The following RPS6KC1 variants were observed in gnomAD, a reference collection of about 807,000 sequenced individuals.
RPS6KC1 encodes inactive ribosomal protein S6 kinase delta-1.
In RPS6KC1, 54 loss-of-function variants were observed where a neutral mutation model predicts 103.8. That is an observed-to-expected ratio of 0.52 (90% CI 0.42 to 0.65). The LOEUF is 0.65. RPS6KC1 is among the 30% of genes least tolerant of loss of function. The pLI is 0.00. For missense variants in RPS6KC1, 1,151 were observed against 1,253.8 expected, an observed-to-expected ratio of 0.92 and a Z score of 1.24; for synonymous variants, 439 against 438.7, an observed-to-expected ratio of 1.00 and a Z score of -0.01.
the RPS6KC1 span, among the ~76,000 whole-genome samples, chr1:213,740,669 A>G: frequency 8.0e-4 from 121 of 151,070 alleles, 3 homozygotes; most frequent in African/African-American, 2.8e-3. Flanking sequence ...ATATATACAC[A>G]TATATATCTC....
At chr1:213,481,623 T>C in the RPS6KC1 span, among the ~76,000 whole-genome samples, 1 of 152,230 alleles carries the variant, frequency 6.6e-6, no homozygotes, top group East Asian at 1.9e-4. Context: ...TTGTCTAGTA[T>C]ATCTTTATCT....
chr1:213,758,376 G>A, the RPS6KC1 span, among the ~76,000 whole-genome samples: 8 of 152,008 alleles, frequency 5.3e-5, no homozygotes, highest in African/African-American at 1.7e-4. Flanking sequence ...TCAGGAGTTC[G>A]AGACCAGCCT....
the RPS6KC1 span, among the ~76,000 whole-genome samples, chr1:213,355,311 G>A: frequency 1.3e-5 from 2 of 152,234 alleles, no homozygotes; most frequent in African/African-American, 4.8e-5. Flanking sequence ...AGGCTGGCGG[G>A]ATGTACAAGG....
At chr1:213,192,640 C>CT (rs2092790716) in intron 8 of RPS6KC1, among the ~76,000 whole-genome samples, 1 of 151,974 alleles carries the variant, frequency 6.6e-6, no homozygotes, top group Non-Finnish European at 1.5e-5. Context: ...ATCTTGTTTA[C>CT]CTTTTCAGAA....
intron 6 of RPS6KC1, among the ~76,000 whole-genome samples, chr1:213,166,618 T>A (rs1000737954): frequency 1.3e-5 from 2 of 152,152 alleles, no homozygotes; most frequent in Non-Finnish European, 2.9e-5. Flanking sequence ...AATAGAAATT[T>A]TCCCCCCACC....
intron 7 of RPS6KC1, among the ~76,000 whole-genome samples, chr1:213,174,243 AACACTCCAGCAT>A (rs2091693566): frequency 6.6e-6 from 1 of 152,224 alleles, no homozygotes; most frequent in African/African-American, 2.4e-5. Flanking sequence ...ACCACAGACA[AACACTCCAGCAT>A]TCTGAGAATC....
the RPS6KC1 span, among the ~76,000 whole-genome samples, chr1:213,494,997 G>C: frequency 6.6e-6 from 1 of 152,288 alleles, no homozygotes; most frequent in East Asian, 1.9e-4. Flanking sequence ...ATTTCAGAAA[G>C]TAATGGAAAA....
At chr1:213,580,919 T>C in the RPS6KC1 span, among the ~76,000 whole-genome samples, 463 of 152,218 alleles carry the variant, frequency 3.0e-3, 3 homozygotes, top group African/African-American at 0.011. Flanking sequence ...ATTTTCTTTG[T>C]TGCAATTTGC....
chr1:213,762,863 C>CT, the RPS6KC1 span, among the ~76,000 whole-genome samples: 6 of 146,310 alleles, frequency 4.1e-5, no homozygotes, highest in African/African-American at 1.5e-4. Context: ...AATTTTTTTA[C>CT]GTTTTTTTTT....
the RPS6KC1 span, among the ~76,000 whole-genome samples, chr1:213,552,967 G>A: frequency 6.6e-6 from 1 of 151,858 alleles, no homozygotes. Flanking sequence ...ATGGTTTAAA[G>A]TGTAATAGCA....
At chr1:213,416,008 A>G in the RPS6KC1 span, among the ~76,000 whole-genome samples, 2 of 152,200 alleles carry the variant, frequency 1.3e-5, no homozygotes, top group Admixed American at 1.3e-4. Flanking sequence ...GAAGTCAGCA[A>G]AATCTTGTAC....
intron 5 of RPS6KC1, among the ~76,000 whole-genome samples, chr1:213,124,424 C>A (rs1262328310): frequency 6.6e-6 from 1 of 152,126 alleles, no homozygotes; most frequent in East Asian, 1.9e-4. Flanking sequence ...AGACTGAGAA[C>A]CTGTCACTTG....
chr1:213,833,363 A>T, the RPS6KC1 span, among the ~76,000 whole-genome samples: 2 of 152,152 alleles, frequency 1.3e-5, no homozygotes, highest in Admixed American at 1.3e-4. Context: ...CCAGTATTAT[A>T]CCCTCATTCT....
At chr1:213,671,022 T>C in the RPS6KC1 span, among the ~76,000 whole-genome samples, 1 of 152,178 alleles carries the variant, frequency 6.6e-6, no homozygotes, top group East Asian at 1.9e-4. Context: ...GAAGGAGCCA[T>C]TCATGTGGCT....
the RPS6KC1 span, among the ~76,000 whole-genome samples, chr1:213,438,941 G>A: frequency 6.6e-6 from 1 of 151,660 alleles, no homozygotes; most frequent in Non-Finnish European, 1.5e-5. Context: ...CTACAGGCAC[G>A]TGCCACCACA....
At chr1:213,162,898 C>A (rs1055580594) in intron 6 of RPS6KC1, among the ~76,000 whole-genome samples, 1 of 152,168 alleles carries the variant, frequency 6.6e-6, no homozygotes, top group Non-Finnish European at 1.5e-5. Flanking sequence ...TTTGAAAAAA[C>A]ATTAATAGGG....
chr1:213,699,346 A>C, the RPS6KC1 span, among the ~76,000 whole-genome samples: 1 of 152,248 alleles, frequency 6.6e-6, no homozygotes, highest in South Asian at 2.1e-4. Flanking sequence ...ATTTCACTTA[A>C]CATAGTGACC....
chr1:213,498,297 T>C, the RPS6KC1 span, among the ~76,000 whole-genome samples: 2 of 152,204 alleles, frequency 1.3e-5, no homozygotes, highest in East Asian at 3.8e-4. Context: ...AAATACATTA[T>C]GGCCAAGAAT....
intron 14 of RPS6KC1, among the ~76,000 whole-genome samples, chr1:213,270,472 C>T (rs538380789): frequency 2.6e-5 from 4 of 152,210 alleles, no homozygotes. Context: ...CAAAAGTCAC[C>T]ATTAAGAAAA....
Sources: allele counts gnomAD v4.1 joint callset (sites outside exome capture counted in the v4.1 genomes callset), GRCh38; gene constraint gnomAD v4.1.1; transcripts MANE v1.5; gene names NCBI Gene and HGNC (gene_info 2026-07-23, HGNC 2026-07-21).